The following TMPRSS15 variants were observed in gnomAD, a reference collection of about 807,000 sequenced individuals.
The protein encoded by TMPRSS15 is enteropeptidase.
In TMPRSS15, 128 loss-of-function variants were observed where a neutral mutation model predicts 125.3. The ratio of observed to expected loss-of-function variants is 1.02; its 90% confidence interval spans 0.89 to 1.18. TMPRSS15 has a LOEUF of 1.18. TMPRSS15 is among the 50% of genes most tolerant of loss of function. The pLI is 0.00. For synonymous variants in TMPRSS15, 446 were observed against 423.2 expected, an observed-to-expected ratio of 1.05 and a Z score of -0.66; for missense variants, 1,283 against 1,212.7, an observed-to-expected ratio of 1.06 and a Z score of -0.86.
intron 1 of TMPRSS15, among the ~76,000 whole-genome samples, chr21:18,401,836 C>T (rs531852406): frequency 6.6e-6 from 1 of 152,260 alleles, no homozygotes; most frequent in East Asian, 1.9e-4. Context: ...CACTGTTAAA[C>T]AGTATTATCA....
chr21:18,365,645 T>TCCTC lies in TMPRSS15; in HGVS notation c.665-401_665-398dup, dbSNP rs1157854346. ...CTTTCTTTCTCTTTCTCTCTCTTTT[T>TCCTC]CCTCCCTTCCTTCCTTCCTTCCTTC... On this transcript the variant is annotated intron_variant, in intron 6 of 24. Coordinates refer to ENST00000284885, the MANE Select transcript of TMPRSS15 (RefSeq NM_002772.3). Among the ~76,000 whole-genome samples, 24 of 102,902 alleles carry TCCTC rather than the reference T, an allele frequency of 2.3e-4. 2 individuals are homozygous for TCCTC. The highest frequency in any genetic ancestry group is 4.2e-3 in the Middle Eastern group (1 of 236). 67.5% of individuals were successfully genotyped at this position (102,902 alleles called of 152,430 possible). A position where few individuals can be genotyped will look rare whatever the true frequency, so the allele number is the denominator to read the frequency against.
intron 1 of TMPRSS15, among the ~76,000 whole-genome samples, chr21:18,473,803 A>G: frequency 6.6e-6 from 1 of 152,114 alleles, no homozygotes; most frequent in East Asian, 1.9e-4. Context: ...TTATTAAGTA[A>G]GGAGATTTTT....
At position 18,297,720 on chromosome 21, in the gene TMPRSS15, AT is replaced by A. The variant is rs779123138; in HGVS notation, c.2261+13del. ...CTATGTACAACTAGTCTAAGAACAG[AT>A]TTAGGGACCCACCTGGGTGTTAGTA... On this transcript the variant is annotated intron_variant, in intron 19 of 24. Coordinates refer to ENST00000284885, the MANE Select transcript of TMPRSS15 (RefSeq NM_002772.3). The A allele has an allele frequency of 5.9e-5, 94 of 1,602,992 alleles. No homozygotes were observed. The highest frequency in any genetic ancestry group is 8.0e-5 in the Non-Finnish European group (94 of 1,169,998).
intron 1 of TMPRSS15, among the ~76,000 whole-genome samples, chr21:18,430,168 CA>C (rs2076213499): frequency 2.0e-5 from 3 of 152,056 alleles, no homozygotes; most frequent in Admixed American, 2.0e-4. Flanking sequence ...TTTGGGGTCA[CA>C]AAAAAGTCAC....
Position 18,332,149 on chromosome 21 carries a change from A to C in TMPRSS15, c.1589T>G (p.Leu530Arg). 1 of 1,614,140 alleles carries C rather than the reference A, an allele frequency of 6.2e-7. No homozygotes were observed. The highest frequency in any genetic ancestry group is 2.2e-5 in the East Asian group (1 of 44,870). ...LPTDCGGPFE[L>R]WEPNTTFSST... ...ACTGAATGTTGTATTTGGCTCCCAC[A>C]GCTCAAAAGGTCCTCCACAGTCCGC... is the stretch of plus-strand genomic sequence containing the variant. The change falls in exon 14 of 25, where the codon CTG becomes CGG. Residue 530 changes from leucine (L) to arginine (R), a missense_variant. Leu to Arg is a moderately radical substitution (Grantham distance 102). Transcript: ENST00000284885.
At chr21:18,396,791 A>AAAATCTGTCTGTCTGTCT (rs547335576) in intron 3 of TMPRSS15, among the ~76,000 whole-genome samples, 1 of 57,878 alleles carries the variant, frequency 1.7e-5, no homozygotes, top group Admixed American at 1.9e-4. Flanking sequence ...AAAAAAAAAA[A>AAAATCTGTCTGTCTGTCT]ATCTGTCTGT....
chr21:18,381,110 T>C lies in TMPRSS15; in HGVS notation c.497-1792A>G, dbSNP rs2075889124. ...AGTTTTAAAAGGATAGACTCACCTA[T>C]GCAAGATATAAAGGAAATCAAAGCA... On this transcript the variant is annotated intron_variant, in intron 4 of 24. Coordinates refer to ENST00000284885, the MANE Select transcript of TMPRSS15 (RefSeq NM_002772.3). Among the ~76,000 whole-genome samples the C allele has an allele frequency of 1.3e-5, 2 of 152,284 alleles. 1 individual carries two copies. The highest frequency in any genetic ancestry group is 4.1e-4 in the South Asian group (2 of 4,824).
intron 14 of TMPRSS15, among the ~76,000 whole-genome samples, chr21:18,329,803 C>T (rs937415404): frequency 6.6e-6 from 1 of 151,640 alleles, no homozygotes; most frequent in African/African-American, 2.4e-5. Flanking sequence ...TCAATAAACA[C>T]TTCTTGTTTT....
At chr21:18,332,030 T>C (rs942663640) in intron 14 of TMPRSS15, 54 bp downstream of exon 14, 62 of 1,490,880 alleles carry the variant, frequency 4.2e-5, no homozygotes, top group Non-Finnish European at 5.8e-5. Context: ...CAAGGGGAGA[T>C]CTACATTTCA....
intron 3 of TMPRSS15, among the ~76,000 whole-genome samples, chr21:18,391,414 C>A (rs1168368809): frequency 1.3e-5 from 2 of 152,200 alleles, no homozygotes; most frequent in Non-Finnish European, 2.9e-5. Flanking sequence ...AACAAAGGGG[C>A]TACAGGCCCC....
chr21:18,310,207 G>A (rs2075084824), intron 18 of TMPRSS15, among the ~76,000 whole-genome samples: 2 of 152,032 alleles, frequency 1.3e-5, no homozygotes, highest in African/African-American at 4.8e-5. Context: ...GAAAGTCCTA[G>A]ACAAAGCAAT....
chr21:18,429,039 C>G (rs1343735094), intron 1 of TMPRSS15, among the ~76,000 whole-genome samples: 1 of 152,202 alleles, frequency 6.6e-6, no homozygotes, highest in Non-Finnish European at 1.5e-5. Context: ...GAACCCACCT[C>G]TTGCATCAGC....
intron 1 of TMPRSS15, among the ~76,000 whole-genome samples, chr21:18,482,384 C>T (rs138469147): frequency 8.3e-4 from 126 of 151,296 alleles, no homozygotes; most frequent in African/African-American, 2.8e-3. Flanking sequence ...GGTATGGCGA[C>T]TATATTTAGC....
intron 5 of TMPRSS15, 98 bp downstream of exon 5, chr21:18,379,185 T>G (rs1266896301): frequency 2.1e-6 from 1 of 484,648 alleles, no homozygotes; most frequent in East Asian, 3.6e-5. Context: ...GGCACAATAT[T>G]TATTGCTAAG....
intron 10 of TMPRSS15, among the ~76,000 whole-genome samples, chr21:18,345,549 G>A (rs1351513887): frequency 6.7e-6 from 1 of 150,114 alleles, no homozygotes; most frequent in African/African-American, 2.4e-5. Flanking sequence ...AGACCATCCT[G>A]GCTAACACGG....
At chr21:18,376,290 T>A (rs948756654) in intron 5 of TMPRSS15, among the ~76,000 whole-genome samples, 1 of 152,118 alleles carries the variant, frequency 6.6e-6, no homozygotes, top group Admixed American at 6.5e-5. Context: ...GTAGTCTTGA[T>A]ACCATGTGAG....
intron 1 of TMPRSS15, among the ~76,000 whole-genome samples, chr21:18,433,630 C>T (rs2076221116): frequency 7.4e-6 from 1 of 136,030 alleles, no homozygotes; most frequent in Admixed American, 8.2e-5. Flanking sequence ...TGCTACTGCA[C>T]TCCAGCCTGG....
At chr21:18,458,477 G>T (rs1978484477) in intron 1 of TMPRSS15, among the ~76,000 whole-genome samples, 1 of 152,110 alleles carries the variant, frequency 6.6e-6, no homozygotes, top group Admixed American at 6.6e-5. Context: ...ATTCAGCAAT[G>T]GTTGCTGGAT....
chr21:18,291,038 T>C (rs1037310382), intron 21 of TMPRSS15, among the ~76,000 whole-genome samples: 3 of 152,238 alleles, frequency 2.0e-5, no homozygotes, highest in African/African-American at 7.2e-5. Context: ...GCGTCTTCTT[T>C]CATAGAGCTT....
Sources: allele counts gnomAD v4.1 joint callset (sites outside exome capture counted in the v4.1 genomes callset), GRCh38; gene constraint gnomAD v4.1.1; transcripts MANE v1.5; gene names NCBI Gene and HGNC (gene_info 2026-07-23, HGNC 2026-07-21).